The following TUBGCP2 variants were observed in gnomAD, a reference collection of about 807,000 sequenced individuals.
TUBGCP2 encodes gamma-tubulin complex component 2.
In TUBGCP2, 55 loss-of-function variants were observed where a neutral mutation model predicts 92.2. The ratio of observed to expected loss-of-function variants is 0.60; its 90% CI spans 0.48 to 0.75. The LOEUF is 0.75. Among genes scored for constraint, TUBGCP2 ranks in the 30% least tolerant of loss-of-function variants. The pLI is 0.00. For missense variants in TUBGCP2, 1,093 were observed against 1,188.9 expected, an observed-to-expected ratio of 0.92 and a Z score of 1.19; for synonymous variants, 533 against 505.2, an observed-to-expected ratio of 1.06 and a Z score of -0.74.
At chr10:133,311,959 A>T, upstream of TUBGCP2, 1 of 1,612,038 alleles carries the variant, frequency 6.2e-7, no homozygotes, top group Non-Finnish European at 8.5e-7. Context: ...AACGCTGGGT[A>T]AGAAAATCGG....
chr10:133,302,401 CTGCACCA>C (rs1847686827), intron 2 of TUBGCP2: 1 of 279,596 alleles, frequency 3.6e-6, no homozygotes. Flanking sequence ...ACCCTGCACC[CTGCACCA>C]GAGGTGGCGC....
chr10:133,291,896 A>G (rs865820518), intron 8 of TUBGCP2, among the ~76,000 whole-genome samples: 147 of 6,836 alleles, frequency 0.022, 36 homozygotes, highest in South Asian at 0.057. Flanking sequence ...GGCAGCATGC[A>G]CCGTCCGTGT....
rs1236077456 is a variant in TUBGCP2 at position 133,303,083 on chromosome 10, G to A, written c.-39-103C>T. The A allele has an allele frequency of 1.3e-5, 14 of 1,097,228 alleles. No homozygotes were observed. The East Asian group carries it at 3.4e-4, about 27-fold the overall frequency. The allele number at this position is 1,097,228 out of a possible 1,614,324, so 68.0% of individuals were successfully genotyped here. A position where few individuals can be genotyped will look rare whatever the true frequency, so the allele number is the denominator to read the frequency against. On this transcript the variant is annotated intron_variant, in intron 1 of 17. Transcript: ENST00000252936. ...CCAATGTCAGGCTTTGACAAACCAAGTTATCACCTGGCCTGCCTGGCCTAG... is the reference window on the plus strand; with the variant it reads ...CCAATGTCAGGCTTTGACAAACCAAATTATCACCTGGCCTGCCTGGCCTAG...
rs752431597 is a variant in TUBGCP2, at chr10:133,285,158, C to T, written c.1951G>A (p.Val651Met). The change falls in exon 13 of 18, where the codon GTG becomes ATG. Residue 651 changes from valine to methionine, a missense_variant. By Grantham distance (21) the Val-to-Met change is conservative. This residue lies in a region of TUBGCP2 where 598 missense variants were observed against 675.5 expected (regional missense o/e 0.89). Transcript: ENST00000252936. This position sits in a 1 kb window ranked among gnomAD's most constrained non-coding sequence, Gnocchi z 6.8. ...LFRHMFYCKH[V>M]ERQLCSVWIS... is the part of the protein sequence containing the mutation. ...CAGACGCTGCAGAGCTGCCGCTCCA[C>T]GTGCTTGCAGTAGAACATGTGCCTG... 3.0e-5 allele frequency: 48 copies of T among 1,613,470 alleles called. No homozygotes were observed. Among genetic ancestry groups the T allele is most frequent in the Admixed American group, 5.0e-5 (3 of 60,014 alleles).
Position 133,287,987 on chromosome 10 carries a change from C to A in TUBGCP2, c.1722+142G>T, listed in dbSNP as rs561087301. 4.7e-5 allele frequency: 56 copies of A among 1,197,900 alleles called. No homozygotes were observed. The East Asian group carries it at 1.1e-3, about 23-fold the overall frequency. The allele number at this position is 1,197,900 out of a possible 1,614,324, so 74.2% of individuals were successfully genotyped here. On this transcript the variant is annotated intron_variant, in intron 11 of 17. Transcript: ENST00000252936. ...ACCCCCGATCCCGGCAAGCCGGCCC[C>A]GGTAGCCAAGTGAAGGAAACAGACC...
Position 133,293,189 on chromosome 10 carries a change from G to A in TUBGCP2, c.874C>T (p.Leu292=). 6.2e-7 allele frequency: 1 copy of A among 1,613,884 alleles called. No individual in the cohort carries two copies. Among genetic ancestry groups the A allele is most frequent in the Non-Finnish European group, 8.5e-7 (1 of 1,180,050 alleles). The change falls in exon 7 of 18, where the codon CTG becomes TTG. Residue 292 remains leucine, a synonymous_variant. Coordinates refer to ENST00000252936, the MANE Select transcript of TUBGCP2 (RefSeq NM_006659.4). ...ACCAGGGTGCGCATGGCGGCCGCCA[G>A]GGCGTGGTTCACCTGCCCGTACTCG... is the stretch of plus-strand genomic sequence containing the variant. ...SFEYGQVNHA[L]AAAMRTLVKE...
At chr10:133,296,314 C>T (rs1847486573) in intron 5 of TUBGCP2, among the ~76,000 whole-genome samples, 1 of 152,186 alleles carries the variant, frequency 6.6e-6, no homozygotes, top group Non-Finnish European at 1.5e-5. Context: ...CCCCGCGCTT[C>T]CTTCTCCGAA....
intron 6 of TUBGCP2, 130 bp downstream of exon 6, chr10:133,293,432 G>A (rs1349731680): frequency 8.1e-7 from 1 of 1,234,436 alleles, no homozygotes; most frequent in Non-Finnish European, 1.1e-6. Context: ...AAACTGAGTT[G>A]GGCACGGAGT....
chr10:133,285,016 C>A lies in TUBGCP2; in HGVS notation c.2024+69G>T. The stretch of plus-strand genomic sequence containing the variant: ...CTACCAGGAGGGCACAAGGGGGGCG[C>A]TGCACCACTGGGCAGAGTGCAGCGA... On this transcript the variant is annotated intron_variant, in intron 13 of 17. Coordinates refer to ENST00000252936, the MANE Select transcript of TUBGCP2 (RefSeq NM_006659.4). The surrounding 1 kb of genome is among the most constrained non-coding windows in gnomAD (Gnocchi z 6.8). 6.5e-7 allele frequency: 1 copy of A among 1,530,952 alleles called. No homozygotes were observed. The allele number at this position is 1,530,952 out of a possible 1,614,324, so 94.8% of individuals were successfully genotyped here.
upstream of TUBGCP2, chr10:133,310,147 C>T (rs1847956418): frequency 2.5e-6 from 4 of 1,613,500 alleles, no homozygotes; most frequent in Middle Eastern, 3.5e-4. Flanking sequence ...AGGGAGGTGA[C>T]ACGGTCTCCA....
At chr10:133,284,611 T>C (rs537047077) in intron 13 of TUBGCP2, among the ~76,000 whole-genome samples, 605 of 152,282 alleles carry the variant, frequency 4.0e-3, no homozygotes, top group Middle Eastern at 6.8e-3. Context: ...TCCTCCCTCC[T>C]CAGCTTCCCA....
intron 1 of TUBGCP2, among the ~76,000 whole-genome samples, chr10:133,304,938 C>A (rs1195055135): frequency 6.6e-6 from 1 of 152,136 alleles, no homozygotes; most frequent in Non-Finnish European, 1.5e-5. Context: ...TGGGAAGATG[C>A]CCCTTGCCAA....
chr10:133,295,187 C>T (rs1465310040), intron 5 of TUBGCP2: 1 of 152,314 alleles, frequency 6.6e-6, no homozygotes, highest in East Asian at 1.9e-4. Flanking sequence ...TGGCTCACAC[C>T]TGTAATCCCA....
intron 2 of TUBGCP2, chr10:133,302,440 A>G (rs1393717181): frequency 3.3e-5 from 9 of 276,234 alleles, no homozygotes; most frequent in African/African-American, 1.9e-4. Flanking sequence ...CCTGCACCAG[A>G]GGTGGCGCTC....
chr10:133,292,814 A>G, intron 7 of TUBGCP2, 126 bp from the exon 8 acceptor site: 2 of 1,245,620 alleles, frequency 1.6e-6, no homozygotes, highest in South Asian at 3.0e-5. Context: ...TCTTTGGGAT[A>G]CGTATTAACT....
chr10:133,309,768 C>G (rs1369341499), upstream of TUBGCP2: 1 of 1,612,530 alleles, frequency 6.2e-7, no homozygotes, highest in Non-Finnish European at 8.5e-7. Flanking sequence ...AGCACGTCTC[C>G]TTGGCAGGGT....
Position 133,282,329 on chromosome 10 carries a change from C to T in TUBGCP2, c.2303G>A (p.Ser768Asn). 1 of 1,602,814 alleles carries T rather than the reference C, an allele frequency of 6.2e-7. No individual in the cohort carries two copies. Among genetic ancestry groups the T allele is most frequent in the Non-Finnish European group, 8.5e-7 (1 of 1,172,902 alleles). The change falls in exon 16 of 18, where the codon AGC becomes AAC. Residue 768 changes from serine to asparagine, a missense_variant. Ser to Asn is a conservative substitution (Grantham distance 46, BLOSUM62 1). Coordinates refer to ENST00000252936, the MANE Select transcript of TUBGCP2 (RefSeq NM_006659.4). ...FTNCMQKFTQ[S>N]MKLDGELGGQ... ...GCCCAGCTCGCCATCTAATTTCATG[C>T]TCTGTGTAAATTTCTAGGGGGGGAG...
At chr10:133,301,452 A>G (rs1189250499) in intron 2 of TUBGCP2, among the ~76,000 whole-genome samples, 1 of 151,982 alleles carries the variant, frequency 6.6e-6, no homozygotes, top group East Asian at 1.9e-4. Context: ...AGTGATTTAC[A>G]ATGCTTCCTT....
rs749252111 is a variant in TUBGCP2 at position 133,293,018 on chromosome 10, GC to G, written c.1024+20del. The G allele has an allele frequency of 3.1e-6, 5 of 1,609,436 alleles. No individual in the cohort carries two copies. The South Asian group carries it at 4.4e-5, about 14-fold the overall frequency. On this transcript the variant is annotated intron_variant, in intron 7 of 17. Transcript: ENST00000252936. Reference sequence around the variant, plus strand: ...CACCTGCCACCCACCACTGCCCCATGCCCCCCGGGCGGGCACGCACCGAGGG... The same window carrying G: ...CACCTGCCACCCACCACTGCCCCATGCCCCCGGGCGGGCACGCACCGAGGG...
Sources: gnomAD v4.1 joint callset for allele counts (sites outside exome capture counted in the v4.1 genomes callset) on GRCh38, gnomAD v4.1.1 for gene constraint, gnomAD v4.1.1 regional missense constraint, Gnocchi (gnomAD v3.1) non-coding constraint, MANE v1.5 for transcripts, NCBI Gene and HGNC (gene_info 2026-07-23, HGNC 2026-07-21) for gene names.